Variants in ITLN1 observed in about 807,000 individuals in gnomAD.
ITLN1 encodes intelectin-1.
In ITLN1, 29 loss-of-function variants were observed where a neutral mutation model predicts 36.2. The observed-to-expected ratio is 0.80, with a 90% CI of 0.60 to 1.09. ITLN1 has a LOEUF of 1.09. ITLN1 is among the 50% of genes least tolerant of loss of function. The pLI is 0.00. For missense variants in ITLN1, 358 were observed against 405.2 expected (o/e 0.88, Z 1.00); for synonymous variants, 143 against 146.5 (o/e 0.98, Z 0.17).
At chr1:160,881,902 G>T (rs867729995) in intron 4 of ITLN1, 55 bp downstream of exon 4, 1 of 1,612,806 alleles carries the variant, frequency 6.2e-7, no homozygotes. Flanking sequence ...CAGGCTTGTG[G>T]CCAGCCACAC....
Position 160,876,623 on chromosome 1 carries a change from A to G in ITLN1, c.*41T>C, listed in dbSNP as rs377117055. ...AGTTGTTCTCCATCCTTGGGATCTC[A>G]TGGTTGGGAGGAGAGGTCTGGGTTC... is the stretch of plus-strand genomic sequence containing the variant. On this transcript the variant is annotated 3_prime_UTR_variant, in exon 8 of 8. Transcript: ENST00000326245. 2.5e-6 allele frequency: 4 copies of G among 1,605,746 alleles called. No homozygotes were observed. Among genetic ancestry groups the G allele is most frequent in the African/African-American group, 1.3e-5 (1 of 74,748 alleles).
Position 160,880,626 on chromosome 1 carries a change from G to C in ITLN1, c.647C>G (p.Ala216Gly). ...VIPVVYDFGD[A>G]QKTASYYSPY... ...TGAGTAATAAGATGCTGTTTTCTGG[G>C]CGTCGCCAAAATCATAGACCACAGG... The change falls in exon 6 of 8, where the codon GCC (alanine) becomes GGC (glycine). Residue 216 changes from alanine (A) to glycine (G), a missense_variant. Ala to Gly is a moderately conservative substitution (Grantham distance 60). Transcript: ENST00000326245. 1 of 1,614,102 alleles carries C rather than the reference G, an allele frequency of 6.2e-7. No homozygotes were observed. Among genetic ancestry groups the C allele is most frequent in the Non-Finnish European group, 8.5e-7 (1 of 1,180,022 alleles).
At chr1:160,879,009 A>G (rs1359146230) in intron 7 of ITLN1, among the ~76,000 whole-genome samples, 1 of 152,192 alleles carries the variant, frequency 6.6e-6, no homozygotes, top group African/African-American at 2.4e-5. Flanking sequence ...GTTTCAGCAC[A>G]CAAGCCTCAC....
intron 6 of ITLN1, among the ~76,000 whole-genome samples, chr1:160,879,977 G>A (rs1187402948): frequency 1.3e-5 from 2 of 152,096 alleles, no homozygotes; most frequent in South Asian, 2.1e-4. Context: ...GCTCCTGCAG[G>A]GCTGAGAGTG....
chr1:160,876,768 A>G lies in ITLN1; in HGVS notation c.838T>C (p.Cys280Arg), dbSNP rs1367276266. The G allele has an allele frequency of 6.2e-7, 1 of 1,614,152 alleles. No individual in the cohort carries two copies. Among genetic ancestry groups the G allele is most frequent in the Non-Finnish European group, 8.5e-7 (1 of 1,180,004 alleles). ...GYFPEASPQQCGDFSGFDWSG... is the reference protein window; with the variant it reads ...GYFPEASPQQRGDFSGFDWSG... ...CAATCAAAACCAGAAAAATCTCCAC[A>G]CTGCTGGGGACTGGCCTCTGGAAAG... The change falls in exon 8 of 8, where the codon TGT becomes CGT. Residue 280 changes from cysteine to arginine, a missense_variant. By Grantham distance (180) the Cys-to-Arg change is radical. Coordinates refer to ENST00000326245, the MANE Select transcript of ITLN1 (RefSeq NM_017625.3).
Position 160,876,684 on chromosome 1 carries a change from C to T in ITLN1, c.922G>A (p.Val308Met), listed in dbSNP as rs776584928. The T allele has an allele frequency of 6.2e-6, 10 of 1,614,228 alleles. No homozygotes were observed. Among genetic ancestry groups the T allele is most frequent in the Non-Finnish European group, 8.5e-6 (10 of 1,180,034 alleles). ...AACTCTCAACGATAGAATAGAAGCA[C>T]AGCTGCCTCAGTTATCTCACGGCTG... is the stretch of plus-strand genomic sequence containing the variant. ...SSSREITEAA[V>M]LLFYR Residue 308 changes from valine to methionine, a missense_variant, in exon 8 of 8, where the codon GTG (valine) becomes ATG (methionine). Val to Met is a conservative substitution (Grantham distance 21). Transcript: ENST00000326245.
In ITLN1 at chr1:160,878,385, CTT is replaced by C. The variant is rs36015074; in HGVS notation, c.789+924_789+925del. ...CAGTCTCAGATATTTCTTTTTCTTT[CTT>C]TTTTTTTTTTTTTATTGAGACAGGG... On this transcript the variant is annotated intron_variant, in intron 7 of 7. Coordinates refer to ENST00000326245, the MANE Select transcript of ITLN1 (RefSeq NM_017625.3). 2.1e-4 allele frequency among the ~76,000 whole-genome samples: 29 copies of C among 140,420 alleles called. 1 individual carries two copies. Among genetic ancestry groups the C allele is most frequent in the East Asian group, 4.1e-4 (2 of 4,918 alleles). 92.1% of individuals were successfully genotyped at this position (140,420 alleles called of 152,430 possible). A position where few individuals can be genotyped will look rare whatever the true frequency, so the allele number is the denominator to read the frequency against.
chr1:160,878,108 T>C (rs7524351), intron 7 of ITLN1, among the ~76,000 whole-genome samples: 87,591 of 151,286 alleles, frequency 0.58, 27,288 homozygotes, highest in Non-Finnish European at 0.68. Context: ...GCAGAAGTTG[T>C]GGCGAGCCTA....
At chr1:160,880,957 G>T (rs371262178) in intron 5 of ITLN1, among the ~76,000 whole-genome samples, 197 bp downstream of exon 5, 1 of 152,110 alleles carries the variant, frequency 6.6e-6, no homozygotes, top group East Asian at 1.9e-4. Flanking sequence ...CACTCTTCCT[G>T]CCCCAGCTGT....
chr1:160,880,496 A>T (rs1670657365), intron 6 of ITLN1, 92 bp downstream of exon 6: 2 of 1,359,634 alleles, frequency 1.5e-6, no homozygotes, highest in Non-Finnish European at 2.1e-6. Flanking sequence ...ACAGGAGAGA[A>T]CCAAGCTTCA....
Position 160,879,903 on chromosome 1 carries a change from GA to G in ITLN1, c.686-490del, listed in dbSNP as rs372337790. Among the ~76,000 whole-genome samples, 741 of 152,090 alleles carry G rather than the reference GA, an allele frequency of 4.9e-3. 6 individuals carry two copies. The highest frequency in any genetic ancestry group is 0.017 in the African/African-American group (697 of 41,504). ...CTTCACACAAAATAAACTCACAATA[GA>G]AAAAAAAGTCTCGCCATTTTTTTGG... On this transcript the variant is annotated intron_variant, in intron 6 of 7. Transcript: ENST00000326245.
chr1:160,880,804 G>T, intron 5 of ITLN1, 96 bp from the exon 6 acceptor site: 2 of 1,364,462 alleles, frequency 1.5e-6, no homozygotes, highest in Non-Finnish European at 2.0e-6. Flanking sequence ...GAGAAACAAT[G>T]CTTTCTCAGT....
At position 160,881,311 on chromosome 1, in the gene ITLN1, T is replaced by C; in HGVS notation, c.407A>G (p.Asn136Ser). The part of the protein sequence containing the change: ...AEAATSDDYK[N>S]PGYYDIQAKD... Reference sequence around the variant, plus strand: ...GGCCTGGATGTCGTAGTAGCCAGGGTTCTGGAAAGCAACAGACACTGAGCC... The same window carrying C: ...GGCCTGGATGTCGTAGTAGCCAGGGCTCTGGAAAGCAACAGACACTGAGCC... Residue 136 changes from asparagine (N) to serine (S), a missense_variant and splice_region_variant, in exon 5 of 8, where the codon AAC (asparagine) becomes AGC (serine). Asn to Ser is a conservative substitution (Grantham distance 46). Transcript: ENST00000326245. 6.3e-7 allele frequency: 1 copy of C among 1,587,914 alleles called. No homozygotes were observed. The highest frequency in any genetic ancestry group is 8.6e-7 in the Non-Finnish European group (1 of 1,166,804).
intron 6 of ITLN1, among the ~76,000 whole-genome samples, chr1:160,879,903 G>T (rs1557855471): frequency 6.6e-6 from 1 of 151,976 alleles, no homozygotes; most frequent in Non-Finnish European, 1.5e-5. Flanking sequence ...ACTCACAATA[G>T]AAAAAAAAGT....
At position 160,876,672 on chromosome 1, in the gene ITLN1, A is replaced by G. The variant is rs117077477; in HGVS notation, c.934T>C (p.Tyr312His). 592 of 1,614,208 alleles carry G rather than the reference A, an allele frequency of 3.7e-4. 6 individuals are homozygous for G. In the East Asian group the frequency reaches 9.9e-3, roughly 27 times the overall value. ...EITEAAVLLF[Y>H]R The stretch of plus-strand genomic sequence containing the variant: ...TCCCTCCCACAAAACTCTCAACGAT[A>G]GAATAGAAGCACAGCTGCCTCAGTT... Residue 312 changes from tyrosine (Y) to histidine (H), a missense_variant, in exon 8 of 8, where the codon TAT becomes CAT. By Grantham distance (83) the Tyr-to-His change is moderately conservative. Transcript: ENST00000326245.
At chr1:160,884,410 A>T (rs1397357837) in intron 2 of ITLN1, among the ~76,000 whole-genome samples, 186 of 152,218 alleles carry the variant, frequency 1.2e-3, no homozygotes, top group African/African-American at 4.5e-3. Context: ...CTTTAAAAAA[A>T]AAATTTTTAG....
intron 5 of ITLN1, 112 bp downstream of exon 5, chr1:160,881,042 G>T: frequency 8.0e-7 from 1 of 1,243,836 alleles, no homozygotes; most frequent in Non-Finnish European, 1.1e-6. Flanking sequence ...AGCAAATCTG[G>T]GTTAGAAGAA....
chr1:160,876,665 C>G lies in ITLN1; in HGVS notation c.941G>C (p.Ter314SerextTer?). ...TCTGGGTTCCCTCCCACAAAACTCT[C>G]AACGATAGAATAGAAGCACAGCTGC... ...TEAAVLLFYR* is the reference protein window; with the variant it reads ...TEAAVLLFYRS Residue 314 changes from the stop codon to serine (S), a stop_lost, in exon 8 of 8, where the codon TGA becomes TCA. Transcript: ENST00000326245. 6.2e-7 allele frequency: 1 copy of G among 1,614,100 alleles called. No homozygotes were observed. The highest frequency in any genetic ancestry group is 8.5e-7 in the Non-Finnish European group (1 of 1,179,982).
chr1:160,883,963 T>C (rs1670719128), intron 2 of ITLN1, among the ~76,000 whole-genome samples: 1 of 152,156 alleles, frequency 6.6e-6, no homozygotes, highest in African/African-American at 2.4e-5. Context: ...CAGTGGAGAA[T>C]GGAAACGCCA....
Sources: gnomAD v4.1 joint callset for allele counts (sites outside exome capture counted in the v4.1 genomes callset) on GRCh38, gnomAD v4.1.1 for gene constraint, MANE v1.5 for transcripts, NCBI Gene and HGNC (gene_info 2026-07-23, HGNC 2026-07-21) for gene names.